The following TTC28 variants were observed in gnomAD, a reference collection of about 807,000 sequenced individuals.
The protein encoded by TTC28 is tetratricopeptide repeat domain 28, also known as tetratricopeptide repeat protein 28.
In TTC28, 61 loss-of-function variants were observed where a neutral mutation model predicts 198.0. The observed-to-expected ratio is 0.31, with a 90% CI of 0.25 to 0.38. The LOEUF (loss-of-function observed/expected upper bound fraction) is 0.38. Ranked by LOEUF, TTC28 falls within the 10% of genes least tolerant of loss-of-function variation. The pLI, the probability that TTC28 is intolerant of heterozygous loss-of-function variation, is 1.00. For synonymous variants in TTC28, 1,171 were observed against 1,297.8 expected (o/e 0.90, Z 2.10); for missense variants, 2,678 against 3,164.0 (o/e 0.85, Z 3.69).
At chr22:28,492,118 G>A (rs973643477) in intron 2 of TTC28, among the ~76,000 whole-genome samples, 1 of 151,998 alleles carries the variant, frequency 6.6e-6, no homozygotes, top group Non-Finnish European at 1.5e-5. Context: ...TGTGGGGTGG[G>A]GGGGAGCGGG....
At chr22:28,389,236 C>T (rs1167645244) in intron 2 of TTC28, among the ~76,000 whole-genome samples, 7 of 152,086 alleles carry the variant, frequency 4.6e-5, no homozygotes, top group Non-Finnish European at 1.0e-4. Flanking sequence ...CTGCTGGATT[C>T]GGTTTGCCAG....
intron 2 of TTC28, among the ~76,000 whole-genome samples, chr22:28,534,311 A>C (rs942232307): frequency 6.6e-6 from 1 of 152,246 alleles, no homozygotes; most frequent in African/African-American, 2.4e-5. Flanking sequence ...CACATGAAAA[A>C]ATGCTTATCA....
chr22:28,118,017 G>C (rs1455481151), intron 6 of TTC28, among the ~76,000 whole-genome samples: 1 of 152,054 alleles, frequency 6.6e-6, no homozygotes, highest in Non-Finnish European at 1.5e-5. Flanking sequence ...TGATTATTAC[G>C]CATTATATGC....
chr22:28,648,107 C>T (rs2051501594), intron 1 of TTC28, among the ~76,000 whole-genome samples: 1 of 150,998 alleles, frequency 6.6e-6, no homozygotes, highest in Non-Finnish European at 1.5e-5. Flanking sequence ...GCCTGTAGTC[C>T]CAGCTACTTG....
At chr22:28,604,089 C>T (rs1167294620) in intron 2 of TTC28, among the ~76,000 whole-genome samples, 1 of 151,518 alleles carries the variant, frequency 6.6e-6, no homozygotes, top group East Asian at 2.0e-4. Context: ...ACCAGCCTGG[C>T]CAACGTGGCG....
intron 13 of TTC28, 78 bp from the exon 14 acceptor site, chr22:28,014,470 C>T (rs1313945864): frequency 2.8e-6 from 4 of 1,442,508 alleles, no homozygotes; most frequent in Middle Eastern, 1.9e-4. Flanking sequence ...CAAGCCATGC[C>T]CCTGTATGGA....
intron 2 of TTC28, among the ~76,000 whole-genome samples, chr22:28,528,572 CAA>C (rs769217479): frequency 6.8e-5 from 9 of 131,408 alleles, no homozygotes; most frequent in African/African-American, 1.7e-4. Context: ...AATAAAACTA[CAA>C]AAAAAAAAAA....
intron 2 of TTC28, among the ~76,000 whole-genome samples, chr22:28,628,666 C>A (rs1306012202): frequency 6.6e-6 from 1 of 152,170 alleles, no homozygotes; most frequent in East Asian, 1.9e-4. Flanking sequence ...TTCTGCTGGG[C>A]AAGGTGGCTC....
intron 2 of TTC28, among the ~76,000 whole-genome samples, chr22:28,544,706 G>T (rs2049497797): frequency 6.6e-6 from 1 of 152,126 alleles, no homozygotes; most frequent in South Asian, 2.1e-4. Flanking sequence ...AACCAAGATG[G>T]CCCCAAAAGT....
Position 28,032,205 on chromosome 22 carries a change from A to AAT in TTC28, c.3933-1841_3933-1840dup, listed in dbSNP as rs1309086754. 2.7e-3 allele frequency among the ~76,000 whole-genome samples: 269 copies of AAT among 100,774 alleles called. 2 individuals are homozygous for AAT. The highest frequency in any genetic ancestry group is 4.0e-3 in the Non-Finnish European group (191 of 47,660). 66.1% of individuals were successfully genotyped at this position (100,774 alleles called of 152,430 possible). On this transcript the variant is annotated intron_variant, in intron 12 of 22. Transcript: ENST00000397906. Reference sequence around the variant, plus strand: ...ATATATATAAAATATATATATATAAAATATATATATATAAAATATATATAT... The same window carrying AAT: ...ATATATATAAAATATATATATATAAAATATATATATATATAAAATATATATAT...
At chr22:28,164,818 G>T (rs189500817) in intron 5 of TTC28, among the ~76,000 whole-genome samples, 2 of 152,304 alleles carry the variant, frequency 1.3e-5, no homozygotes, top group Admixed American at 1.3e-4. Flanking sequence ...GTTGAGAGAA[G>T]AAGGCTTAAA....
intron 1 of TTC28, among the ~76,000 whole-genome samples, chr22:28,630,399 G>A (rs1175357943): frequency 1.3e-5 from 2 of 152,164 alleles, no homozygotes; most frequent in African/African-American, 4.8e-5. Context: ...CCAGGCACAA[G>A]CAATCTTCTT....
At chr22:28,262,343 T>A in intron 5 of TTC28, among the ~76,000 whole-genome samples, 1 of 152,304 alleles carries the variant, frequency 6.6e-6, no homozygotes, top group Middle Eastern at 3.4e-3. Context: ...TCTCAGCTAC[T>A]GACTTTATAA....
At chr22:28,313,367 C>T (rs900033162) in intron 2 of TTC28, among the ~76,000 whole-genome samples, 3 of 152,142 alleles carry the variant, frequency 2.0e-5, no homozygotes, top group African/African-American at 7.2e-5. Context: ...TTTTATGAGG[C>T]CAGCATCATC....
intron 2 of TTC28, among the ~76,000 whole-genome samples, chr22:28,434,148 T>A (rs908668490): frequency 6.6e-6 from 1 of 152,052 alleles, no homozygotes; most frequent in South Asian, 2.1e-4. Flanking sequence ...ATAAAAACCA[T>A]ACAAAGAAGA....
intron 12 of TTC28, among the ~76,000 whole-genome samples, chr22:28,089,348 G>C (rs1941733778): frequency 6.6e-6 from 1 of 151,956 alleles, no homozygotes; most frequent in Non-Finnish European, 1.5e-5. Flanking sequence ...AAAATGATGA[G>C]TTCATGTCCT....
At chr22:28,235,268 A>G (rs1172647088) in intron 5 of TTC28, among the ~76,000 whole-genome samples, 1 of 152,198 alleles carries the variant, frequency 6.6e-6, no homozygotes, top group Admixed American at 6.5e-5. Context: ...GAAGAAAGTA[A>G]TATTTGTACT....
rs61186723 is a variant in TTC28 at position 28,285,426 on chromosome 22, TGTTG to T, written c.933+10768_933+10771del. Among the ~76,000 whole-genome samples, 5 of 152,272 alleles carry T rather than the reference TGTTG, an allele frequency of 3.3e-5. No individual in the cohort carries two copies. The East Asian group carries it at 9.7e-4, about 29-fold the overall frequency. ...GCTTGGGGTGAGGGAAATGGGGAGA[TGTTG>T]GTCAAATAGTACAAACCTTCAGTTA... On this transcript the variant is annotated intron_variant, in intron 5 of 22. Transcript: ENST00000397906.
At chr22:28,398,405 G>A (rs2046850302) in intron 2 of TTC28, among the ~76,000 whole-genome samples, 1 of 152,026 alleles carries the variant, frequency 6.6e-6, no homozygotes, top group Admixed American at 6.6e-5. Flanking sequence ...AGAAGAGGAG[G>A]GGCAAGAAAA....
Sources: gnomAD v4.1 joint callset for allele counts (sites outside exome capture counted in the v4.1 genomes callset) on GRCh38, gnomAD v4.1.1 for gene constraint, MANE v1.5 for transcripts, NCBI Gene and HGNC (gene_info 2026-07-23, HGNC 2026-07-21) for gene names.